TRABD2B: variants seen among roughly 807,000 people sequenced by gnomAD.
TRABD2B encodes the protein metalloprotease TIKI2.
TRABD2B carries 14 observed loss-of-function variants against 40.1 expected under a neutral mutation model. That is an observed-to-expected ratio of 0.35 (90% CI 0.23 to 0.55). TRABD2B has a LOEUF of 0.55. Ranked by LOEUF, TRABD2B falls within the 20% of genes least tolerant of loss-of-function variation. The pLI, the probability that TRABD2B is intolerant of heterozygous loss-of-function variation, is 0.90. For synonymous variants in TRABD2B, 263 were observed against 277.0 expected, an observed-to-expected ratio of 0.95 and a Z score of 0.50; for missense variants, 541 against 648.6, an observed-to-expected ratio of 0.83 and a Z score of 1.80.
At chr1:47,905,839 G>C (rs1366446731) in intron 2 of TRABD2B, among the ~76,000 whole-genome samples, 1 of 152,170 alleles carries the variant, frequency 6.6e-6, no homozygotes, top group Non-Finnish European at 1.5e-5. Flanking sequence ...ACCAGCTGCA[G>C]AGAGAGCGAG....
intron 2 of TRABD2B, among the ~76,000 whole-genome samples, chr1:47,939,224 C>T (rs1364230850): frequency 6.6e-6 from 1 of 151,978 alleles, no homozygotes; most frequent in Non-Finnish European, 1.5e-5. Flanking sequence ...ATTGAAAGCA[C>T]AGGCAGAGAG....
intron 2 of TRABD2B, among the ~76,000 whole-genome samples, chr1:47,816,786 A>G (rs1557589800): frequency 1.3e-5 from 2 of 152,190 alleles, no homozygotes; most frequent in Non-Finnish European, 2.9e-5. Context: ...GAAGTTTGTC[A>G]CAAGTATTTC....
rs573943522 is a variant in TRABD2B at position 47,973,347 on chromosome 1, T to A, written c.666+20687A>T. On this transcript the variant is annotated intron_variant, in intron 2 of 6. Transcript: ENST00000606738. ...CATCTCCTATTTCAATAGTATGGAC[T>A]ACTGGGGAGAAAGGGGGCATGGGAA... Among the ~76,000 whole-genome samples, 19 of 152,326 alleles carry A rather than the reference T, an allele frequency of 1.2e-4. No individual in the cohort carries two copies. In the South Asian group the frequency reaches 3.9e-3, roughly 32 times the overall value.
At chr1:47,825,577 T>C (rs146864674) in intron 2 of TRABD2B, among the ~76,000 whole-genome samples, 2,297 of 152,352 alleles carry the variant, frequency 0.015, 26 homozygotes, top group Admixed American at 0.028. Flanking sequence ...TGGGATTGGA[T>C]GCTGAGCTCT....
intron 2 of TRABD2B, among the ~76,000 whole-genome samples, chr1:47,989,633 C>G (rs1037298632): frequency 2.0e-5 from 3 of 152,084 alleles, no homozygotes; most frequent in African/African-American, 4.8e-5. Flanking sequence ...TTTGAGAACT[C>G]CTATTTTAGA....
chr1:47,836,765 A>AGAGAG (rs1645324579), intron 2 of TRABD2B, among the ~76,000 whole-genome samples: 1 of 152,114 alleles, frequency 6.6e-6, no homozygotes, highest in African/African-American at 2.4e-5. Flanking sequence ...TAGTACTTAC[A>AGAGAG]AAAGAGACCC....
chr1:47,901,078 A>C (rs1644594234), intron 2 of TRABD2B, among the ~76,000 whole-genome samples: 1 of 152,232 alleles, frequency 6.6e-6, no homozygotes, highest in African/African-American at 2.4e-5. Context: ...TTACAACTGA[A>C]GGACTGGTTT....
At chr1:47,975,757 A>C (rs1427437911) in intron 2 of TRABD2B, among the ~76,000 whole-genome samples, 1 of 152,216 alleles carries the variant, frequency 6.6e-6, no homozygotes, top group Non-Finnish European at 1.5e-5. Flanking sequence ...TAAGGGGTCA[A>C]ATGAAGCAAT....
chr1:47,800,756 T>C (rs928258721), intron 3 of TRABD2B, among the ~76,000 whole-genome samples: 2 of 152,112 alleles, frequency 1.3e-5, no homozygotes, highest in East Asian at 3.9e-4. Flanking sequence ...GGAGGTGACA[T>C]ATGACTATGA....
intron 2 of TRABD2B, among the ~76,000 whole-genome samples, chr1:47,905,216 G>A (rs1479666585): frequency 1.3e-5 from 2 of 152,202 alleles, no homozygotes; most frequent in Non-Finnish European, 2.9e-5. Context: ...TGCCTGGAGG[G>A]GAGCAGGTTC....
intron 2 of TRABD2B, among the ~76,000 whole-genome samples, chr1:47,888,396 C>A (rs1644401729): frequency 6.6e-6 from 1 of 152,146 alleles, no homozygotes; most frequent in Admixed American, 6.5e-5. Context: ...AGGTGCAGTG[C>A]CCTTGGGACC....
At chr1:47,856,008 A>G (rs1343628043) in intron 2 of TRABD2B, among the ~76,000 whole-genome samples, 3 of 152,170 alleles carry the variant, frequency 2.0e-5, no homozygotes, top group African/African-American at 7.2e-5. Context: ...CCTGGCCCCT[A>G]GTTTTTCACT....
rs546155975 is a variant in TRABD2B, at chr1:47,991,441, T to G, written c.666+2593A>C. Reference sequence around the variant, plus strand: ...AGGAAGTGACTTGCCCAAGGTCACATAGCAAAGTCACGGTGATGTTGGGTC... The same window carrying G: ...AGGAAGTGACTTGCCCAAGGTCACAGAGCAAAGTCACGGTGATGTTGGGTC... On this transcript the variant is annotated intron_variant, in intron 2 of 6. Coordinates refer to ENST00000606738, the MANE Select transcript of TRABD2B (RefSeq NM_001194986.2). Among the ~76,000 whole-genome samples the G allele has an allele frequency of 3.3e-5, 5 of 152,288 alleles. No homozygotes were observed. In the East Asian group the frequency reaches 9.7e-4, roughly 29 times the overall value.
intron 3 of TRABD2B, among the ~76,000 whole-genome samples, chr1:47,800,922 C>T (rs925419512): frequency 6.6e-6 from 1 of 152,076 alleles, no homozygotes; most frequent in Admixed American, 6.6e-5. Flanking sequence ...GCAGAGGGCA[C>T]GTTGTAAGGT....
intron 2 of TRABD2B, among the ~76,000 whole-genome samples, chr1:47,939,112 A>G (rs1358615817): frequency 6.6e-6 from 1 of 152,104 alleles, no homozygotes; most frequent in Non-Finnish European, 1.5e-5. Flanking sequence ...CATGGTGAGG[A>G]GCCTTGAATT....
chr1:47,825,540 C>G (rs964646571), intron 2 of TRABD2B, among the ~76,000 whole-genome samples: 1 of 152,262 alleles, frequency 6.6e-6, no homozygotes, highest in Non-Finnish European at 1.5e-5. Flanking sequence ...CACCCACTTG[C>G]ACTGAGCACC....
intron 2 of TRABD2B, among the ~76,000 whole-genome samples, chr1:47,839,593 C>T (rs1459246002): frequency 6.6e-6 from 1 of 152,190 alleles, no homozygotes; most frequent in Non-Finnish European, 1.5e-5. Context: ...TTATGAAATG[C>T]AAACTACACC....
intron 2 of TRABD2B, among the ~76,000 whole-genome samples, chr1:47,836,852 C>A (rs1269110368): frequency 6.6e-6 from 1 of 152,206 alleles, no homozygotes; most frequent in Non-Finnish European, 1.5e-5. Context: ...GAAGCACACC[C>A]TTACCAGACA....
chr1:47,940,877 A>C (rs939897132), intron 2 of TRABD2B, among the ~76,000 whole-genome samples: 1 of 152,204 alleles, frequency 6.6e-6, no homozygotes, highest in Non-Finnish European at 1.5e-5. Flanking sequence ...ATAATGGCGT[A>C]TTTTCCAGCA....
Sources: gnomAD v4.1 joint callset for allele counts (sites outside exome capture counted in the v4.1 genomes callset) on GRCh38, gnomAD v4.1.1 for gene constraint, MANE v1.5 for transcripts, NCBI Gene and HGNC (gene_info 2026-07-23, HGNC 2026-07-21) for gene names.